CABIN1: variants seen among roughly 807,000 people sequenced by gnomAD.
CABIN1 encodes the protein calcineurin binding protein 1.
CABIN1 carries 133 observed loss-of-function variants against 227.7 expected under a neutral mutation model. That is an observed-to-expected ratio of 0.58 (90% CI 0.51 to 0.67). The LOEUF is 0.67. CABIN1 is among the 30% of genes least tolerant of loss of function. The pLI is 0.00. For missense variants in CABIN1, 2,408 were observed against 2,852.5 expected, an observed-to-expected ratio of 0.84 and a Z score of 3.55; for synonymous variants, 1,086 against 1,155.1, an observed-to-expected ratio of 0.94 and a Z score of 1.21.
chr22:24,107,609 G>A (rs532608013), intron 26 of CABIN1, among the ~76,000 whole-genome samples: 2 of 152,338 alleles, frequency 1.3e-5, no homozygotes, highest in South Asian at 4.1e-4. Flanking sequence ...TCCTGGTGAG[G>A]TCTGGCCACC....
chr22:24,173,379 G>C (rs1240698602), intron 34 of CABIN1: 3 of 152,192 alleles, frequency 2.0e-5, no homozygotes, highest in African/African-American at 7.2e-5. Flanking sequence ...CATCCACACT[G>C]CTTTGAGGAT....
At chr22:24,150,651 G>A (rs1161399069) in intron 29 of CABIN1, among the ~76,000 whole-genome samples, 1 of 152,230 alleles carries the variant, frequency 6.6e-6, no homozygotes, top group Non-Finnish European at 1.5e-5. Context: ...CCAAGAGAGT[G>A]CTGAGGTGGG....
At chr22:24,018,021 AT>A (rs1484538287) in intron 1 of CABIN1, among the ~76,000 whole-genome samples, 1 of 151,764 alleles carries the variant, frequency 6.6e-6, no homozygotes, top group African/African-American at 2.4e-5. Flanking sequence ...GCCCTGGCTA[AT>A]TTTTAAATTT....
At chr22:24,033,221 T>C (rs2036619887) in intron 1 of CABIN1, among the ~76,000 whole-genome samples, 1 of 152,238 alleles carries the variant, frequency 6.6e-6, no homozygotes, top group Non-Finnish European at 1.5e-5. Flanking sequence ...GAGAAAGTAC[T>C]TCCTTCCTTG....
chr22:24,051,350 G>A (rs184722776), intron 8 of CABIN1, among the ~76,000 whole-genome samples: 199 of 152,180 alleles, frequency 1.3e-3, no homozygotes, highest in Non-Finnish European at 2.4e-3. Context: ...CCCAGAGACA[G>A]TCCCGGGTCT....
intron 26 of CABIN1, 52 bp downstream of exon 26, chr22:24,098,244 G>T (rs1436124751): frequency 2.5e-6 from 4 of 1,612,470 alleles, no homozygotes; most frequent in Non-Finnish European, 1.7e-6. Context: ...ATCAATCACG[G>T]GGGGGTGCTC....
At chr22:24,165,231 G>C (rs1036768225) in intron 30 of CABIN1, among the ~76,000 whole-genome samples, 1 of 152,220 alleles carries the variant, frequency 6.6e-6, no homozygotes, top group Non-Finnish European at 1.5e-5. Flanking sequence ...GGGGCCTGGG[G>C]CACCCTGGAG....
intron 3 of CABIN1, 26 bp downstream of exon 3, chr22:24,036,207 A>G (rs1193949438): frequency 3.4e-6 from 5 of 1,477,754 alleles, no homozygotes; most frequent in Non-Finnish European, 4.7e-6. Flanking sequence ...TCTTCTCTGT[A>G]GGTGGACCTT....
intron 28 of CABIN1, among the ~76,000 whole-genome samples, chr22:24,128,488 G>A (rs1457205001): frequency 6.6e-6 from 1 of 152,040 alleles, no homozygotes; most frequent in African/African-American, 2.4e-5. Flanking sequence ...GTATGTGCCC[G>A]CAGCTTATGG....
chr22:24,063,886 C>T, intron 14 of CABIN1, 149 bp from the exon 15 acceptor site: 2 of 882,026 alleles, frequency 2.3e-6, no homozygotes, highest in Non-Finnish European at 3.8e-6. Flanking sequence ...AAGCTACATG[C>T]CAGGCCTTTC....
chr22:24,130,876 T>C (rs1317882053), intron 28 of CABIN1, among the ~76,000 whole-genome samples: 2 of 152,238 alleles, frequency 1.3e-5, no homozygotes, highest in Non-Finnish European at 2.9e-5. Flanking sequence ...TGCAGGAAGC[T>C]AATTTATAAT....
At chr22:24,172,289 C>G (rs1283121103) in intron 34 of CABIN1, among the ~76,000 whole-genome samples, 1 of 152,232 alleles carries the variant, frequency 6.6e-6, no homozygotes, top group East Asian at 1.9e-4. Flanking sequence ...GTGTTTGCTA[C>G]TGTTTCCTCC....
At chr22:24,151,882 C>T (rs1023705378) in intron 29 of CABIN1, among the ~76,000 whole-genome samples, 2 of 152,250 alleles carry the variant, frequency 1.3e-5, no homozygotes, top group African/African-American at 4.8e-5. Flanking sequence ...CCTCACCTTC[C>T]TCCAGTGGCC....
rs191907361 is a variant in CABIN1, at chr22:24,165,116, A to G, written c.4911-414A>G. On this transcript the variant is annotated intron_variant, in intron 30 of 36. Transcript: ENST00000263119. Reference sequence around the variant, plus strand: ...CCTGGCCTGGAGGCCTCACTCCGTCAGCTGGACTGGGCCTCCTCCCATGCC... The same window carrying G: ...CCTGGCCTGGAGGCCTCACTCCGTCGGCTGGACTGGGCCTCCTCCCATGCC... Among the ~76,000 whole-genome samples, 295 of 152,340 alleles carry G rather than the reference A, an allele frequency of 1.9e-3. 2 individuals carry two copies. The highest frequency in any genetic ancestry group is 6.9e-3 in the African/African-American group (285 of 41,572).
intron 25 of CABIN1, among the ~76,000 whole-genome samples, chr22:24,097,343 T>A (rs545965962): frequency 3.9e-5 from 6 of 152,354 alleles, no homozygotes; most frequent in African/African-American, 1.4e-4. Flanking sequence ...TTTATAACAC[T>A]TAAATGCACA....
intron 26 of CABIN1, among the ~76,000 whole-genome samples, chr22:24,099,143 G>A (rs1037424004): frequency 6.6e-6 from 1 of 152,152 alleles, no homozygotes; most frequent in African/African-American, 2.4e-5. Flanking sequence ...GTCTGGGGGG[G>A]GCCACCACCT....
intron 29 of CABIN1, among the ~76,000 whole-genome samples, chr22:24,141,949 G>A (rs1353977161): frequency 2.0e-5 from 3 of 152,184 alleles, no homozygotes; most frequent in Admixed American, 1.3e-4. Flanking sequence ...GGGAGGAAGG[G>A]CCTCCCCACC....
chr22:24,171,375 G>A (rs565108153), intron 33 of CABIN1, among the ~76,000 whole-genome samples: 166 of 152,326 alleles, frequency 1.1e-3, no homozygotes, highest in African/African-American at 3.9e-3. Flanking sequence ...CTAGGGTCCT[G>A]CAGGACATAA....
chr22:24,043,148 A>G, intron 6 of CABIN1, 64 bp downstream of exon 6: 1 of 1,513,384 alleles, frequency 6.6e-7, no homozygotes, highest in East Asian at 2.3e-5. Flanking sequence ...GAGGAAAGGC[A>G]GTTTGGGTAA....
Sources: allele counts gnomAD v4.1 joint callset (sites outside exome capture counted in the v4.1 genomes callset), GRCh38; gene constraint gnomAD v4.1.1; transcripts MANE v1.5; gene names NCBI Gene and HGNC (gene_info 2026-07-23, HGNC 2026-07-21).